The following ADAM15 variants were observed in gnomAD, a reference collection of about 807,000 sequenced individuals.
ADAM15 encodes the protein ADAM metallopeptidase domain 15, also known as disintegrin and metalloproteinase domain-containing protein 15.
A neutral mutation model predicts 113.8 loss-of-function variants in ADAM15; 77 were observed. The observed-to-expected ratio is 0.68, with a 90% CI of 0.56 to 0.82. The LOEUF (loss-of-function observed/expected upper bound fraction) is 0.82. Among genes scored for constraint, ADAM15 ranks in the 40% least tolerant of loss-of-function variants. The probability of loss-of-function intolerance (pLI) is 0.00; values close to 1 mark genes in which losing one functional copy is unlikely to be tolerated. For missense variants in ADAM15, 963 were observed against 1,120.1 expected (o/e 0.86, Z 2.00); for synonymous variants, 388 against 454.1 (o/e 0.85, Z 1.85).
In ADAM15 at chr1:155,058,494, A is replaced by G; in HGVS notation, c.1917+53A>G. On this transcript the variant is annotated intron_variant, in intron 15 of 22. Transcript: ENST00000356955. This position sits in a 1 kb window ranked among gnomAD's most constrained non-coding sequence, Gnocchi z 4.3. ...GTGTGAGAAGGGACATTTGGACCAC[A>G]ATGAACAGAGCCCAGACTTCACCAT... 6.3e-7 allele frequency: 1 copy of G among 1,594,436 alleles called. No homozygotes were observed. The highest frequency in any genetic ancestry group is 8.5e-7 in the Non-Finnish European group (1 of 1,174,706).
intron 18 of ADAM15, 105 bp from the exon 19 acceptor site, chr1:155,060,658 A>G: frequency 4.6e-6 from 6 of 1,291,322 alleles, no homozygotes; most frequent in South Asian, 1.2e-5. Context: ...TACCTAAACC[A>G]CACATAAGTG....
At chr1:155,061,324 G>T in intron 19 of ADAM15, 91 bp from the exon 20 acceptor site, 2 of 880,936 alleles carry the variant, frequency 2.3e-6, no homozygotes. Flanking sequence ...GCCCCTGCTG[G>T]CCCCCCCTGG....
At chr1:155,054,620 A>C in intron 6 of ADAM15, 114 bp downstream of exon 6, 1 of 1,156,516 alleles carries the variant, frequency 8.6e-7, no homozygotes, top group Non-Finnish European at 1.2e-6. Context: ...CACTTTCCAC[A>C]TGCTGGGCAC....
At chr1:155,051,580 C>T in intron 1 of ADAM15, 115 bp downstream of exon 1, 1 of 1,027,916 alleles carries the variant, frequency 9.7e-7, no homozygotes. Flanking sequence ...CCAGCCAGAG[C>T]GCGGCCCGCC....
Position 155,057,319 on chromosome 1 carries a change from T to C in ADAM15, c.1280T>C (p.Met427Thr). 1.2e-6 allele frequency: 2 copies of C among 1,614,168 alleles called. No homozygotes were observed. The highest frequency in any genetic ancestry group is 1.7e-6 in the Non-Finnish European group (2 of 1,180,014). ...CCTATGGCTGCTTTCTGCGGAAATA[T>C]GTTTGTGGAGCCGGGCGAGCAGTGT... Reference protein sequence around the residue: ...LPPMAAFCGNMFVEPGEQCDC... With the variant: ...LPPMAAFCGNTFVEPGEQCDC... Residue 427 changes from methionine (M) to threonine (T), a missense_variant, in exon 12 of 23, where the codon ATG becomes ACG. Physicochemically the swap from Met to Thr is moderately conservative, Grantham distance 81. Coordinates refer to ENST00000356955, the MANE Select transcript of ADAM15 (RefSeq NM_207197.3). The surrounding 1 kb of genome is among the most constrained non-coding windows in gnomAD (Gnocchi z 5.0).
chr1:155,053,767 T>C (rs1661399641), intron 3 of ADAM15, 143 bp from the exon 4 acceptor site: 1 of 927,826 alleles, frequency 1.1e-6, no homozygotes, highest in African/African-American at 1.6e-5. Flanking sequence ...CCAGTATACT[T>C]TGCTGCCCCG....
In ADAM15 at chr1:155,058,469, G is replaced by T; in HGVS notation, c.1917+28G>T. On this transcript the variant is annotated intron_variant, in intron 15 of 22. Coordinates refer to ENST00000356955, the MANE Select transcript of ADAM15 (RefSeq NM_207197.3). The surrounding 1 kb of genome is among the most constrained non-coding windows in gnomAD (Gnocchi z 4.3). ...GAGCAGCCTGGGTGGGCAAGACCAG[G>T]TGTGAGAAGGGACATTTGGACCACA... 1 of 1,606,010 alleles carries T rather than the reference G, an allele frequency of 6.2e-7. No homozygotes were observed. The highest frequency in any genetic ancestry group is 8.5e-7 in the Non-Finnish European group (1 of 1,179,400).
intron 16 of ADAM15, 33 bp from the exon 17 acceptor site, chr1:155,059,869 A>G: frequency 6.2e-7 from 1 of 1,606,402 alleles, no homozygotes; most frequent in Non-Finnish European, 8.5e-7. Flanking sequence ...TCCAGAGTGC[A>G]GAGCTCCTCA....
intron 2 of ADAM15, 140 bp downstream of exon 2, chr1:155,052,917 TC>T: frequency 8.8e-7 from 1 of 1,142,104 alleles, no homozygotes; most frequent in Non-Finnish European, 1.2e-6. Flanking sequence ...CAGCTGCCTC[TC>T]CCACCACACC....
intron 20 of ADAM15, 30 bp from the exon 21 acceptor site, chr1:155,061,874 C>G (rs1662673517): frequency 6.7e-7 from 1 of 1,500,924 alleles, no homozygotes; most frequent in East Asian, 2.3e-5. Context: ...TGGTTATGCT[C>G]TCACAGCCAC....
intron 6 of ADAM15, chr1:155,055,316 C>T (rs991609704): frequency 6.2e-6 from 1 of 160,600 alleles, no homozygotes; most frequent in African/African-American, 2.4e-5. Flanking sequence ...AGCTCCGCCT[C>T]CCAGGTTCAC....
chr1:155,051,583 G>C, intron 1 of ADAM15, 118 bp downstream of exon 1: 1 of 975,930 alleles, frequency 1.0e-6, no homozygotes, highest in Non-Finnish European at 1.4e-6. Flanking sequence ...GCCAGAGCGC[G>C]GCCCGCCCTG....
rs759431073 is a variant in ADAM15 at position 155,056,432 on chromosome 1, T to C, written c.961T>C (p.Ser321Pro). Residue 321 changes from serine to proline, a missense_variant, in exon 10 of 23, where the codon TCC (serine) becomes CCC (proline). By Grantham distance (74) the Ser-to-Pro change is moderately conservative. Transcript: ENST00000356955. The surrounding 1 kb of genome is among the most constrained non-coding windows in gnomAD (Gnocchi z 4.0). ...GPTVGMAIQNSICSPDFSGGV... is the reference protein window; with the variant it reads ...GPTVGMAIQNPICSPDFSGGV... ...TACGGTGGGCATGGCCATTCAGAAC[T>C]CCATCTGTTCTCCTGACTTCTCAGG... 2.5e-6 allele frequency: 4 copies of C among 1,614,002 alleles called. No individual in the cohort carries two copies. The highest frequency in any genetic ancestry group is 1.7e-5 in the Admixed American group (1 of 60,006).
chr1:155,059,031 A>C (rs1186730656), intron 16 of ADAM15, among the ~76,000 whole-genome samples: 1 of 152,194 alleles, frequency 6.6e-6, no homozygotes, highest in African/African-American at 2.4e-5. Context: ...CAGGCTGGGC[A>C]CAATGGCTCA....
chr1:155,054,196 G>A lies in ADAM15; in HGVS notation c.389G>A (p.Trp130Ter), dbSNP rs1661464574. Reference protein sequence around the residue: ...QGRVRGYAGSWVSICTCSGLR... With the variant: ...QGRVRGYAGS ...AGAGTGCGGGGATATGCAGGCTCCT[G>A]GGTGTCCATCTGCACCTGCTCTGGG... Residue 130 changes from tryptophan to a stop codon, truncating the protein, a stop_gained, in exon 5 of 23, where the codon TGG becomes TAG. Transcript: ENST00000356955. LOFTEE classifies it high-confidence loss of function. 1 of 1,609,090 alleles carries A rather than the reference G, an allele frequency of 6.2e-7. No homozygotes were observed. The highest frequency in any genetic ancestry group is 1.3e-5 in the African/African-American group (1 of 74,454).
rs764982427 is a variant in ADAM15, at chr1:155,053,952, C to T, written c.306C>T (p.Pro102=). 1.1e-5 allele frequency: 17 copies of T among 1,614,166 alleles called. No homozygotes were observed. Among genetic ancestry groups the T allele is most frequent in the Admixed American group, 6.7e-5 (4 of 60,022 alleles). Residue 102 remains proline (P), a synonymous_variant, in exon 4 of 23, where the codon CCC becomes CCT. Transcript: ENST00000356955. Reference sequence around the variant, plus strand: ...GCCCAACCCTGGTGTGGTACCAGCCCGATGGCACTCGGGTGGTCAGTGAGG... The same window carrying T: ...GCCCAACCCTGGTGTGGTACCAGCCTGATGGCACTCGGGTGGTCAGTGAGG... The part of the protein sequence containing the change: ...PGRPTLVWYQ[P]DGTRVVSEGH...
At chr1:155,059,558 G>C (rs756835771) in intron 16 of ADAM15, among the ~76,000 whole-genome samples, 132 of 152,176 alleles carry the variant, frequency 8.7e-4, no homozygotes, top group Non-Finnish European at 1.5e-3. Flanking sequence ...GAGCCCAGGA[G>C]TTTGGGGCTG....
At chr1:155,053,578 G>C in intron 3 of ADAM15, 85 bp downstream of exon 3, 1 of 1,411,402 alleles carries the variant, frequency 7.1e-7, no homozygotes, top group Non-Finnish European at 1.0e-6. Flanking sequence ...AAGTGCTTGT[G>C]CTCATTTAAT....
At chr1:155,054,673 T>TA (rs1363902347) in intron 6 of ADAM15, among the ~76,000 whole-genome samples, 167 bp downstream of exon 6, 3 of 152,194 alleles carry the variant, frequency 2.0e-5, no homozygotes, top group Non-Finnish European at 4.4e-5. Context: ...ACCTAGGAGG[T>TA]AGGTGCTATC....
Sources: allele counts gnomAD v4.1 joint callset (sites outside exome capture counted in the v4.1 genomes callset), GRCh38; gene constraint gnomAD v4.1.1; non-coding constraint Gnocchi (gnomAD v3.1); transcripts MANE v1.5; gene names NCBI Gene and HGNC (gene_info 2026-07-23, HGNC 2026-07-21).